Variants in TBC1D32 observed in about 807,000 individuals in gnomAD.
TBC1D32 encodes protein broad-minded.
Under a neutral mutation model 170.3 loss-of-function variants are expected in TBC1D32, and 151 were observed. That is an observed-to-expected ratio of 0.89 (90% CI 0.78 to 1.01). TBC1D32 has a LOEUF of 1.01. Among genes scored for constraint, TBC1D32 ranks in the 50% least tolerant of loss-of-function variants. TBC1D32 has a pLI of 0.00. For synonymous variants in TBC1D32, 498 were observed against 488.0 expected (o/e 1.02, Z -0.27); for missense variants, 1,464 against 1,457.1 (o/e 1.00, Z -0.08).
chr6:121,132,183 A>C (rs922752973), intron 24 of TBC1D32, among the ~76,000 whole-genome samples: 3 of 151,998 alleles, frequency 2.0e-5, no homozygotes, highest in Non-Finnish European at 4.4e-5. Flanking sequence ...AAGTGTAAAA[A>C]ATCTTTAGTC....
chr6:121,332,568 G>A (rs569154862), intron 1 of TBC1D32, among the ~76,000 whole-genome samples: 1 of 152,100 alleles, frequency 6.6e-6, no homozygotes, highest in South Asian at 2.1e-4. Flanking sequence ...CCCAGAATAT[G>A]ATACTAGCAA....
intron 10 of TBC1D32, among the ~76,000 whole-genome samples, chr6:121,298,637 T>C: frequency 6.6e-6 from 1 of 152,238 alleles, no homozygotes; most frequent in South Asian, 2.1e-4. Flanking sequence ...TACAAATAAA[T>C]TCTTATCCTA....
At chr6:121,103,076 A>C (rs1010544757) in intron 30 of TBC1D32, among the ~76,000 whole-genome samples, 1 of 152,122 alleles carries the variant, frequency 6.6e-6, no homozygotes, top group Non-Finnish European at 1.5e-5. Flanking sequence ...TTAAAAAGTC[A>C]AGAAACAACA....
At chr6:121,226,554 A>G (rs113266433) in intron 20 of TBC1D32, among the ~76,000 whole-genome samples, 207 of 152,296 alleles carry the variant, frequency 1.4e-3, no homozygotes, top group African/African-American at 4.8e-3. Context: ...GGAGTAAAGA[A>G]CAAATTAGAA....
At chr6:121,238,840 A>G (rs1023006349) in intron 20 of TBC1D32, among the ~76,000 whole-genome samples, 2 of 152,130 alleles carry the variant, frequency 1.3e-5, no homozygotes, top group Non-Finnish European at 2.9e-5. Flanking sequence ...ATAGACATAA[A>G]GTAAAAGAAA....
Position 121,332,978 on chromosome 6 carries a change from C to G in TBC1D32, c.155+1298G>C, listed in dbSNP as rs374954238. Among the ~76,000 whole-genome samples the G allele has an allele frequency of 1.6e-4, 24 of 152,206 alleles. No homozygotes were observed. The East Asian group carries it at 2.7e-3, about 17-fold the overall frequency. On this transcript the variant is annotated intron_variant, in intron 1 of 31. Transcript: ENST00000398212. ...AAGATTCCTTTCACACTTTTTAAAA[C>G]TCAATTGAGAAGGTAGTGAAAACTG...
At chr6:121,269,615 G>A (rs1265630832) in intron 15 of TBC1D32, among the ~76,000 whole-genome samples, 2 of 152,250 alleles carry the variant, frequency 1.3e-5, no homozygotes, top group East Asian at 3.9e-4. Context: ...CATAAAGCAA[G>A]TCCTTAGTGA....
chr6:121,283,058 C>G (rs931570636), intron 13 of TBC1D32, among the ~76,000 whole-genome samples: 3 of 151,712 alleles, frequency 2.0e-5, no homozygotes, highest in Non-Finnish European at 4.4e-5. Flanking sequence ...GTACCCGTCA[C>G]CTGAACAGTG....
chr6:121,228,200 T>A (rs1795299476), intron 20 of TBC1D32, among the ~76,000 whole-genome samples: 1 of 152,104 alleles, frequency 6.6e-6, no homozygotes, highest in Non-Finnish European at 1.5e-5. Flanking sequence ...GTTTATCACC[T>A]TTAATAATCA....
intron 12 of TBC1D32, among the ~76,000 whole-genome samples, chr6:121,285,231 T>C (rs1803613074): frequency 6.6e-6 from 1 of 152,158 alleles, no homozygotes; most frequent in South Asian, 2.1e-4. Context: ...TGTAACTGTA[T>C]TCACAGCTAT....
At chr6:121,178,259 C>T (rs1328462240) in intron 22 of TBC1D32, among the ~76,000 whole-genome samples, 3 of 152,108 alleles carry the variant, frequency 2.0e-5, no homozygotes, top group South Asian at 2.1e-4. Context: ...AGCCAAACCA[C>T]ATCAGTAGGG....
chr6:121,230,784 T>C (rs1447562896), intron 20 of TBC1D32, among the ~76,000 whole-genome samples: 1 of 151,886 alleles, frequency 6.6e-6, no homozygotes, highest in Admixed American at 6.6e-5. Context: ...ATGGTGTTTC[T>C]AGTCATTTAT....
At position 121,084,074 on chromosome 6, in the gene TBC1D32, T is replaced by G. The variant is rs188433647; in HGVS notation, c.3655-3184A>C. On this transcript the variant is annotated intron_variant, in intron 31 of 31. Transcript: ENST00000398212. The stretch of plus-strand genomic sequence containing the variant: ...GGAATTCTTTGTATGACTTTTTCTT[T>G]TGCTTCATTCAGGTAGCTGTTTACC... Among the ~76,000 whole-genome samples the G allele has an allele frequency of 8.5e-4, 130 of 152,224 alleles. 2 individuals carry two copies. Among genetic ancestry groups the G allele is most frequent in the African/African-American group, 2.5e-3 (102 of 41,562 alleles).
At position 121,131,775 on chromosome 6, in the gene TBC1D32, A is replaced by G. The variant is rs769088934; in HGVS notation, c.2774-23T>C. ...TGTCTAATCAGAAAGATAACATACTATTATAATAAGACATGCTAGATATAC... is the reference window on the plus strand; with the variant it reads ...TGTCTAATCAGAAAGATAACATACTGTTATAATAAGACATGCTAGATATAC... On this transcript the variant is annotated intron_variant, in intron 24 of 31. Coordinates refer to ENST00000398212, the MANE Select transcript of TBC1D32 (RefSeq NM_152730.6). 7.7e-6 allele frequency: 12 copies of G among 1,551,318 alleles called. No individual in the cohort carries two copies. The African/African-American group carries it at 1.5e-4, about 19-fold the overall frequency.
At chr6:121,204,044 C>T (rs1028963973) in intron 22 of TBC1D32, among the ~76,000 whole-genome samples, 1 of 150,648 alleles carries the variant, frequency 6.6e-6, no homozygotes, top group Admixed American at 6.6e-5. Context: ...AGGCCAAAAT[C>T]GATGTTCTAT....
intron 2 of TBC1D32, 89 bp downstream of exon 2, chr6:121,321,544 A>C: frequency 8.0e-7 from 1 of 1,256,788 alleles, no homozygotes; most frequent in Non-Finnish European, 1.1e-6. Context: ...GCTATGAGGG[A>C]AATAGACTGT....
chr6:121,267,026 T>G (rs1489050879), intron 15 of TBC1D32, among the ~76,000 whole-genome samples: 2 of 146,976 alleles, frequency 1.4e-5, no homozygotes, highest in South Asian at 4.3e-4. Context: ...CATTTACCTA[T>G]GTAACAAACA....
chr6:121,102,702 C>T (rs1008969157), intron 30 of TBC1D32, among the ~76,000 whole-genome samples: 2 of 152,066 alleles, frequency 1.3e-5, no homozygotes, highest in Admixed American at 1.3e-4. Flanking sequence ...GACTAAGACA[C>T]CAAAAGCAAT....
chr6:121,091,030 T>C lies in TBC1D32; in HGVS notation c.3477A>G (p.Gln1159=), dbSNP rs747892622. Residue 1159 remains glutamine (Q), a synonymous_variant, in exon 31 of 32, where the codon CAA becomes CAG. Coordinates refer to ENST00000398212, the MANE Select transcript of TBC1D32 (RefSeq NM_152730.6). ...SGFAPSQICL[Q]WITQCFWNYL... is the part of the protein sequence containing the mutation. The stretch of plus-strand genomic sequence containing the variant: ...AATTCCAAAAACACTGGGTTATCCA[T>C]TGCAGGCAAATCTTTAAAAAAAAAA... 13 of 1,581,342 alleles carry C rather than the reference T, an allele frequency of 8.2e-6. No individual in the cohort carries two copies. Among genetic ancestry groups the C allele is most frequent in the South Asian group, 3.5e-5 (3 of 85,704 alleles).
Sources: gnomAD v4.1 joint callset for allele counts (sites outside exome capture counted in the v4.1 genomes callset) on GRCh38, gnomAD v4.1.1 for gene constraint, MANE v1.5 for transcripts, NCBI Gene and HGNC (gene_info 2026-07-23, HGNC 2026-07-21) for gene names.